Variants in HAL observed in about 807,000 individuals in gnomAD.
HAL encodes histidase.
In HAL, 85 loss-of-function variants were observed where a neutral mutation model predicts 81.1. That is an observed-to-expected ratio of 1.05 (90% CI 0.88 to 1.25). HAL has a LOEUF of 1.25. HAL is among the 50% of genes most tolerant of loss of function. The probability of loss-of-function intolerance (pLI) is 0.00; values close to 1 mark genes in which losing one functional copy is unlikely to be tolerated. For synonymous variants in HAL, 301 were observed against 309.2 expected, an observed-to-expected ratio of 0.97 and a Z score of 0.28; for missense variants, 798 against 836.6, an observed-to-expected ratio of 0.95 and a Z score of 0.57.
At chr12:95,983,815 G>A (rs1949842188) in intron 15 of HAL, 96 bp downstream of exon 15, 1 of 751,900 alleles carries the variant, frequency 1.3e-6, no homozygotes, top group Admixed American at 1.9e-5. Context: ...ATGGAGCAAT[G>A]GAACTGAGAA....
intron 9 of HAL, among the ~76,000 whole-genome samples, chr12:95,991,350 T>G (rs947549539): frequency 6.6e-6 from 1 of 152,176 alleles, no homozygotes. Flanking sequence ...TTTGACCAAG[T>G]TTAGCCATTC....
At chr12:95,980,747 G>A in intron 16 of HAL, 26 bp from the exon 17 acceptor site, 1 of 1,610,084 alleles carries the variant, frequency 6.2e-7, no homozygotes, top group South Asian at 1.1e-5. Context: ...CATTTAGTCA[G>A]CCTATATTGA....
At position 95,995,821 on chromosome 12, in the gene HAL, C is replaced by T; in HGVS notation, c.90G>A (p.Glu30=). The part of the protein sequence containing the change: ...AQLTVGWLGR[E]AVRRYIKNKP... ...TATTCTTGATATAGCGCCTCACGGCCTCCCGGCCCAGCCAGCCCACAGTGA... is the reference window on the plus strand; with the variant it reads ...TATTCTTGATATAGCGCCTCACGGCTTCCCGGCCCAGCCAGCCCACAGTGA... The change falls in exon 2 of 21, where the codon GAG becomes GAA. Residue 30 remains glutamate (E), a synonymous_variant. Coordinates refer to ENST00000261208, the MANE Select transcript of HAL (RefSeq NM_002108.4). 1.2e-6 allele frequency: 2 copies of T among 1,612,290 alleles called. No homozygotes were observed. Among genetic ancestry groups the T allele is most frequent in the South Asian group, 2.2e-5 (2 of 91,090 alleles).
rs760789510 is a variant in HAL at position 95,986,146 on chromosome 12, G to A, written c.1066C>T (p.Arg356Ter). 75 of 1,593,626 alleles carry A rather than the reference G, an allele frequency of 4.7e-5. No individual in the cohort carries two copies. Among genetic ancestry groups the A allele is most frequent in the Middle Eastern group, 1.7e-4 (1 of 6,056 alleles). The change falls in exon 13 of 21, where the codon CGA (arginine) becomes TGA (stop). Residue 356 changes from arginine (R) to a stop codon, truncating the protein, a stop_gained. Transcript: ENST00000261208. LOFTEE classifies it high-confidence loss of function. ...KAFDTDIHAL[R>*]PHRGQIEVAF... is the part of the protein sequence containing the mutation. ...ACTTCAATTTGCCCACGGTGAGGTCGAAGAGCATGAATGTCTAGAATTGAT... is the reference window on the plus strand; with the variant it reads ...ACTTCAATTTGCCCACGGTGAGGTCAAAGAGCATGAATGTCTAGAATTGAT...
Position 95,980,801 on chromosome 12 carries a change from G to A in HAL, c.1350C>T (p.Ala450=). The A allele has an allele frequency of 1.3e-6, 2 of 1,593,936 alleles. No individual in the cohort carries two copies. The highest frequency in any genetic ancestry group is 1.7e-6 in the Non-Finnish European group (2 of 1,161,892). The change falls in exon 16 of 21, where the codon GCC becomes GCT. Residue 450 remains alanine, a synonymous_variant. Transcript: ENST00000261208. ...GGAGCAGTTTTAAAAAGCTTACTTT[G>A]GCTGGGTATTCACCATGGAAGTTTC... ...SGGNFHGEYP[A]KALDYLAIGI... is the part of the protein sequence containing the mutation.
At chr12:95,991,221 T>C (rs1404398128) in intron 9 of HAL, among the ~76,000 whole-genome samples, 4 of 152,052 alleles carry the variant, frequency 2.6e-5, no homozygotes, top group Non-Finnish European at 5.9e-5. Flanking sequence ...GCAATATATC[T>C]TGAAGAAGTG....
At chr12:95,981,082 A>G (rs1283936333) in intron 15 of HAL, among the ~76,000 whole-genome samples, 1 of 152,188 alleles carries the variant, frequency 6.6e-6, no homozygotes, top group Non-Finnish European at 1.5e-5. Context: ...AGGCTGAAAA[A>G]ACATGAACCT....
At chr12:95,975,804 C>A (rs2080711892) in intron 20 of HAL, among the ~76,000 whole-genome samples, 1 of 152,122 alleles carries the variant, frequency 6.6e-6, no homozygotes, top group Non-Finnish European at 1.5e-5. Flanking sequence ...TTAAGGAAAT[C>A]AAGCGATTCT....
chr12:95,974,033 T>A lies in HAL; in HGVS notation c.*199A>T, dbSNP rs958511459. ...TAATCTGAAAATACCTGGTGGGTCT[T>A]GAACCACGACAACAGGAACACAGTG... is the stretch of plus-strand genomic sequence containing the variant. On this transcript the variant is annotated 3_prime_UTR_variant, in exon 21 of 21. Transcript: ENST00000261208. The A allele has an allele frequency of 3.0e-5, 19 of 642,880 alleles. No homozygotes were observed. Among genetic ancestry groups the A allele is most frequent in the Admixed American group, 7.8e-5 (3 of 38,650 alleles). 39.8% of individuals were successfully genotyped at this position (642,880 alleles called of 1,614,324 possible).
At chr12:95,994,726 T>C in intron 4 of HAL, 72 bp downstream of exon 4, 2 of 1,439,202 alleles carry the variant, frequency 1.4e-6, no homozygotes, top group Non-Finnish European at 2.0e-6. Flanking sequence ...CTCAGAAGTT[T>C]TCCTGGCTTT....
intron 2 of HAL, 115 bp downstream of exon 2, chr12:95,995,549 G>A (rs894047525): frequency 1.5e-5 from 21 of 1,442,320 alleles, no homozygotes; most frequent in Non-Finnish European, 2.0e-5. Flanking sequence ...CACAGGGCCA[G>A]CCTCGGCAAG....
intron 15 of HAL, among the ~76,000 whole-genome samples, chr12:95,981,190 TA>T (rs10708992): frequency 0.62 from 94,533 of 151,986 alleles, 30,495 homozygotes; most frequent in East Asian, 0.91. Context: ...AGCCTGAAAC[TA>T]AAAACAGAGA....
intron 14 of HAL, among the ~76,000 whole-genome samples, chr12:95,985,651 G>A (rs1421564666): frequency 6.9e-6 from 1 of 144,652 alleles, no homozygotes; most frequent in East Asian, 2.0e-4. Flanking sequence ...AAAAAAAGAG[G>A]TTGTCCTCTG....
intron 2 of HAL, chr12:95,995,223 G>A (rs1169210174): frequency 1.7e-6 from 1 of 604,894 alleles, no homozygotes; most frequent in African/African-American, 1.9e-5. Flanking sequence ...GTTCAAGACA[G>A]AATTCCACTT....
intron 10 of HAL, 137 bp from the exon 11 acceptor site, chr12:95,988,377 G>A: frequency 1.5e-6 from 1 of 688,760 alleles, no homozygotes; most frequent in South Asian, 1.6e-5. Context: ...GGAACTGGCT[G>A]TATTCATGTT....
At chr12:95,989,655 A>T (rs1949944076) in intron 10 of HAL, 1 of 153,526 alleles carries the variant, frequency 6.5e-6, no homozygotes, top group Non-Finnish European at 1.5e-5. Flanking sequence ...AACATGCTTG[A>T]ATTTGCTGTT....
intron 15 of HAL, among the ~76,000 whole-genome samples, chr12:95,982,849 G>A (rs903236205): frequency 3.3e-5 from 5 of 152,110 alleles, no homozygotes; most frequent in Middle Eastern, 3.2e-3. Flanking sequence ...TTCCAAAGGC[G>A]TTTGATTATC....
At position 95,994,827 on chromosome 12, in the gene HAL, T is replaced by C. The variant is rs140799551; in HGVS notation, c.309-2A>G. 1.1e-4 allele frequency: 176 copies of C among 1,613,946 alleles called. No homozygotes were observed. The highest frequency in any genetic ancestry group is 1.3e-4 in the Non-Finnish European group (159 of 1,179,920). On this transcript the variant is annotated splice_acceptor_variant, in intron 3 of 20. Transcript: ENST00000261208. LOFTEE classifies it high-confidence loss of function. ...TCAGGCTCCCGGTACTTGCTGTATC[T>C]GTATCCAGGTAAAGGAACATATAGG...
chr12:95,987,086 G>C lies in HAL; in HGVS notation c.1032C>G (p.Thr344=). 1.2e-6 allele frequency: 2 copies of C among 1,613,214 alleles called. No homozygotes were observed. Among genetic ancestry groups the C allele is most frequent in the Non-Finnish European group, 1.7e-6 (2 of 1,179,344 alleles). The change falls in exon 12 of 21, where the codon ACC becomes ACG. Residue 344 remains threonine (T), a synonymous_variant. Transcript: ENST00000261208. ...AALTLEVLKG[T]TKAFDTDIHA... is the part of the protein sequence containing the mutation. ...GCTGACCAGTGTCAAAGGCTTTGGT[G>C]GTGCCCTTCAGCACCTCAAGGGTCA...
Sources: gnomAD v4.1 joint callset for allele counts (sites outside exome capture counted in the v4.1 genomes callset) on GRCh38, gnomAD v4.1.1 for gene constraint, MANE v1.5 for transcripts, NCBI Gene and HGNC (gene_info 2026-07-23, HGNC 2026-07-21) for gene names.